TMEM217: variants seen among roughly 807,000 people sequenced by gnomAD.
TMEM217 encodes the protein transmembrane protein 217.
For synonymous variants in TMEM217, 76 were observed against 88.3 expected, an observed-to-expected ratio of 0.86 and a Z score of 0.78; for missense variants, 204 against 248.8, an observed-to-expected ratio of 0.82 and a Z score of 1.21.
chr6:37,258,031 T>C, exon 1 of TMEM217: 3 of 1,576,000 alleles, frequency 1.9e-6, no homozygotes, highest in Non-Finnish European at 2.6e-6. Flanking sequence ...CAGATCCTAA[T>C]CCCTGAATCC....
rs530494734 is a variant in TMEM217, at chr6:37,218,707, G to A, written c.324C>T (p.Asn108=). 26 of 1,614,054 alleles carry A rather than the reference G, an allele frequency of 1.6e-5. No individual in the cohort carries two copies. In the Admixed American group the frequency reaches 2.2e-4, roughly 13 times the overall value. ...TGTTGGTGAGGATTTGTATTACGAC[G>A]TTTGCAGTTTCATAGAAAAAAATCC... is the stretch of plus-strand genomic sequence containing the variant. Residue 108 remains asparagine (N), a synonymous_variant, in exon 2 of 2, where the codon AAC becomes AAT. Transcript: ENST00000357219.
chr6:37,220,226 A>G (rs1763428368), intron 1 of TMEM217, among the ~76,000 whole-genome samples: 1 of 152,366 alleles, frequency 6.6e-6, no homozygotes, highest in African/African-American at 2.4e-5. Flanking sequence ...GTTTAAAAAT[A>G]TAAAGTATAG....
chr6:37,252,619 A>G (rs866028425), intron 1 of TMEM217, among the ~76,000 whole-genome samples: 10 of 107,186 alleles, frequency 9.3e-5, no homozygotes, highest in South Asian at 5.7e-4. Context: ...ATGTGTGTGT[A>G]TATATATATA....
At chr6:37,235,489 C>T (rs1764451422) in intron 1 of TMEM217, among the ~76,000 whole-genome samples, 2 of 152,142 alleles carry the variant, frequency 1.3e-5, no homozygotes, top group South Asian at 4.1e-4. Flanking sequence ...CCTCAGCCTC[C>T]TGAGTAGCTG....
intron 1 of TMEM217, among the ~76,000 whole-genome samples, chr6:37,237,590 C>T (rs1444149349): frequency 6.6e-6 from 1 of 152,018 alleles, no homozygotes; most frequent in East Asian, 1.9e-4. Flanking sequence ...CAGTTAATAA[C>T]CAGAAAAGAG....
intron 1 of TMEM217, among the ~76,000 whole-genome samples, chr6:37,247,803 A>C: frequency 6.6e-6 from 1 of 152,066 alleles, no homozygotes; most frequent in East Asian, 1.9e-4. Flanking sequence ...GTGTTTACCA[A>C]CTCCTGAGAG....
chr6:37,246,108 C>T (rs1335528464), intron 1 of TMEM217, among the ~76,000 whole-genome samples: 1 of 152,102 alleles, frequency 6.6e-6, no homozygotes, highest in East Asian at 1.9e-4. Context: ...GGCCAACAGG[C>T]TCTCATTTTC....
chr6:37,253,757 AT>A (rs1309448239), intron 1 of TMEM217, among the ~76,000 whole-genome samples: 1 of 151,842 alleles, frequency 6.6e-6, no homozygotes, highest in South Asian at 2.1e-4. Flanking sequence ...TTTTTTCTCT[AT>A]TTTTATCTTC....
At chr6:37,257,718 G>C in exon 1 of TMEM217, 1 of 574,550 alleles carries the variant, frequency 1.7e-6, no homozygotes, top group Non-Finnish European at 3.0e-6. Flanking sequence ...TGGTCGGCCC[G>C]TCCACGGCTT....
chr6:37,253,614 G>C lies in TMEM217; in HGVS notation c.-12+3954C>G, dbSNP rs755504949. On this transcript the variant is annotated intron_variant, in intron 1 of 1. Coordinates refer to ENST00000357219, the Ensembl canonical transcript of TMEM217. ...CTCTTAGGTGGCCCAACATTGCACA[G>C]TGCATTGTGAGGGCTGCTTCTTGCT... Among the ~76,000 whole-genome samples the C allele has an allele frequency of 4.6e-5, 7 of 152,298 alleles. No homozygotes were observed. In the East Asian group the frequency reaches 1.3e-3, roughly 29 times the overall value.
intron 1 of TMEM217, among the ~76,000 whole-genome samples, chr6:37,222,605 A>C (rs937983239): frequency 6.6e-6 from 1 of 152,206 alleles, no homozygotes; most frequent in African/African-American, 2.4e-5. Flanking sequence ...GGGTCCTGGC[A>C]GCTGCAGCTG....
chr6:37,242,289 C>A (rs903702027), intron 1 of TMEM217, among the ~76,000 whole-genome samples: 2 of 152,210 alleles, frequency 1.3e-5, no homozygotes, highest in Non-Finnish European at 1.5e-5. Flanking sequence ...CAGGCCCCCA[C>A]GGTGGGCAGA....
At chr6:37,254,639 A>G (rs145681479) in intron 1 of TMEM217, among the ~76,000 whole-genome samples, 179 of 152,370 alleles carry the variant, frequency 1.2e-3, no homozygotes, top group African/African-American at 3.7e-3. Context: ...TGTGAACAAC[A>G]TAGAATCGAA....
intron 1 of TMEM217, among the ~76,000 whole-genome samples, chr6:37,237,238 C>T (rs1370230647): frequency 6.6e-6 from 1 of 152,278 alleles, no homozygotes; most frequent in East Asian, 1.9e-4. Context: ...AATCAAAGTT[C>T]CCGCATTTGC....
intron 1 of TMEM217, among the ~76,000 whole-genome samples, chr6:37,241,914 A>C (rs1764788349): frequency 6.6e-6 from 1 of 152,100 alleles, no homozygotes; most frequent in Non-Finnish European, 1.5e-5. Context: ...CTAACACAAG[A>C]GATGGCTTTA....
At chr6:37,234,544 G>A (rs1293323377) in intron 1 of TMEM217, among the ~76,000 whole-genome samples, 5 of 152,126 alleles carry the variant, frequency 3.3e-5, no homozygotes, top group Non-Finnish European at 5.9e-5. Flanking sequence ...GAGTTTGGGA[G>A]GAATGGCAGT....
intron 1 of TMEM217, among the ~76,000 whole-genome samples, chr6:37,222,296 T>G (rs1160172701): frequency 6.6e-6 from 1 of 152,154 alleles, no homozygotes; most frequent in Non-Finnish European, 1.5e-5. Context: ...CGGGAATCGA[T>G]ACGCCTCCCG....
At chr6:37,236,037 C>T (rs1764484372) in intron 1 of TMEM217, among the ~76,000 whole-genome samples, 2 of 152,214 alleles carry the variant, frequency 1.3e-5, no homozygotes, top group African/African-American at 4.8e-5. Flanking sequence ...AATAAAAAAT[C>T]ATTACCATAA....
At chr6:37,228,476 G>A (rs1469292035) in intron 1 of TMEM217, among the ~76,000 whole-genome samples, 1 of 152,212 alleles carries the variant, frequency 6.6e-6, no homozygotes, top group Non-Finnish European at 1.5e-5. Context: ...GACCAAGGTG[G>A]GTGGATCACC....
Sources: allele counts gnomAD v4.1 joint callset (sites outside exome capture counted in the v4.1 genomes callset), GRCh38; gene constraint gnomAD v4.1.1; transcripts MANE v1.5; gene names NCBI Gene and HGNC (gene_info 2026-07-23, HGNC 2026-07-21).